Variants in CLNK observed in about 807,000 individuals in gnomAD.
The protein encoded by CLNK is cytokine-dependent hematopoietic cell linker.
CLNK carries 74 observed loss-of-function variants against 68.6 expected under a neutral mutation model. The observed-to-expected ratio is 1.08, with a 90% CI of 0.89 to 1.31. CLNK has a LOEUF of 1.31. Ranked by LOEUF, CLNK falls within the 50% of genes most tolerant of loss-of-function variation. The pLI, the probability that CLNK is intolerant of heterozygous loss-of-function variation, is 0.00. For missense variants in CLNK, 553 were observed against 515.3 expected, an observed-to-expected ratio of 1.07 and a Z score of -0.71; for synonymous variants, 198 against 172.2, an observed-to-expected ratio of 1.15 and a Z score of -1.17.
chr4:10,723,882 CAGAGAGAGAGAGAGAGAG>C, the CLNK span, among the ~76,000 whole-genome samples: 21 of 70,942 alleles, frequency 3.0e-4, no homozygotes, highest in Non-Finnish European at 5.8e-4. Context: ...ACACAGGAGT[CAGAGAGAGAGAGAGAGAG>C]AGAGAGAGAG....
In CLNK at chr4:10,593,885, C is replaced by T. The variant is rs1171260077; in HGVS notation, c.83+4093G>A. Among the ~76,000 whole-genome samples the T allele has an allele frequency of 3.9e-5, 6 of 152,118 alleles. No homozygotes were observed. In the East Asian group the frequency reaches 7.7e-4, roughly 20 times the overall value. ...AGTGTGGTGACACTGTTCCTAGCAT[C>T]GCTGTCAAGAGTAAAGGATGGAAAG... On this transcript the variant is annotated intron_variant, in intron 3 of 18. Transcript: ENST00000226951.
intron 2 of CLNK, among the ~76,000 whole-genome samples, chr4:10,646,780 C>T (rs1465626255): frequency 1.3e-5 from 2 of 152,092 alleles, no homozygotes; most frequent in African/African-American, 2.4e-5. Context: ...ACATTCAAAC[C>T]ATTATTCTTA....
intron 2 of CLNK, among the ~76,000 whole-genome samples, chr4:10,616,052 T>A (rs1425434098): frequency 1.3e-5 from 2 of 152,240 alleles, no homozygotes; most frequent in African/African-American, 4.8e-5. Flanking sequence ...AAATTATAAT[T>A]GACAAAATTA....
chr4:10,570,146 C>A (rs373733317), intron 5 of CLNK, among the ~76,000 whole-genome samples: 1 of 152,180 alleles, frequency 6.6e-6, no homozygotes, highest in African/African-American at 2.4e-5. Flanking sequence ...TGCAAAGGTG[C>A]CATTTACATA....
chr4:10,669,636 A>T (rs1049996241), intron 1 of CLNK, among the ~76,000 whole-genome samples: 7 of 152,164 alleles, frequency 4.6e-5, no homozygotes, highest in African/African-American at 1.7e-4. Flanking sequence ...ATGCTAAGGG[A>T]TGGGATCTGA....
chr4:10,645,098 A>G (rs750409891), intron 2 of CLNK, among the ~76,000 whole-genome samples: 23 of 152,236 alleles, frequency 1.5e-4, no homozygotes, highest in Non-Finnish European at 1.6e-4. Flanking sequence ...TGGGGTGAAT[A>G]GTGAAAATAA....
chr4:10,561,186 C>A (rs1719876386), intron 7 of CLNK, among the ~76,000 whole-genome samples: 1 of 152,126 alleles, frequency 6.6e-6, no homozygotes, highest in African/African-American at 2.4e-5. Flanking sequence ...CAGGCATGAA[C>A]TACTGCACCT....
At chr4:10,497,912 C>A (rs1020872598) in intron 18 of CLNK, among the ~76,000 whole-genome samples, 1 of 152,224 alleles carries the variant, frequency 6.6e-6, no homozygotes, top group Non-Finnish European at 1.5e-5. Context: ...TAATGCTTTC[C>A]TGGCCGGGCG....
chr4:10,618,998 A>C (rs763692983), intron 2 of CLNK, among the ~76,000 whole-genome samples: 1 of 152,236 alleles, frequency 6.6e-6, no homozygotes, highest in Non-Finnish European at 1.5e-5. Flanking sequence ...AAGAAGGTTC[A>C]GGAGAAAAGT....
At chr4:10,640,496 G>GTATC (rs1723269041) in intron 2 of CLNK, among the ~76,000 whole-genome samples, 1 of 152,222 alleles carries the variant, frequency 6.6e-6, no homozygotes, top group Non-Finnish European at 1.5e-5. Flanking sequence ...GGTCTTAAAA[G>GTATC]TATCTCTCTG....
intron 4 of CLNK, among the ~76,000 whole-genome samples, chr4:10,578,210 T>C (rs1254442648): frequency 6.6e-6 from 1 of 152,254 alleles, no homozygotes; most frequent in Admixed American, 6.5e-5. Context: ...GAGTTTAACG[T>C]CACAGCCAAA....
intron 2 of CLNK, among the ~76,000 whole-genome samples, chr4:10,600,686 T>A (rs1227369613): frequency 1.3e-5 from 2 of 152,194 alleles, no homozygotes; most frequent in African/African-American, 4.8e-5. Context: ...TAGATGCAAA[T>A]ACATAAATAA....
rs116920877 is a variant in CLNK, at chr4:10,647,851, T to A, written c.11+20008A>T. ...AAGACCGATAAACATAGATATATTA[T>A]GCCCTAAGTCCCATAGATGCTCCTC... On this transcript the variant is annotated intron_variant, in intron 2 of 18. Coordinates refer to ENST00000226951, the MANE Select transcript of CLNK (RefSeq NM_052964.4). Among the ~76,000 whole-genome samples the A allele has an allele frequency of 9.1e-4, 139 of 152,328 alleles. No homozygotes were observed. The East Asian group carries it at 0.022, about 24-fold the overall frequency.
At chr4:10,611,445 C>T (rs916849244) in intron 2 of CLNK, among the ~76,000 whole-genome samples, 22 of 146,650 alleles carry the variant, frequency 1.5e-4, no homozygotes, top group African/African-American at 5.5e-4. Context: ...TTGCAGTGGG[C>T]TGAAATCATG....
chr4:10,691,234 T>C, the CLNK span, among the ~76,000 whole-genome samples: 1 of 152,138 alleles, frequency 6.6e-6, no homozygotes, highest in Non-Finnish European at 1.5e-5. Context: ...ATATGTATAA[T>C]ATGGGGGCAT....
At chr4:10,536,156 G>A (rs1460344817) in intron 11 of CLNK, among the ~76,000 whole-genome samples, 1 of 152,194 alleles carries the variant, frequency 6.6e-6, no homozygotes, top group Non-Finnish European at 1.5e-5. Flanking sequence ...GCAAAAGGCT[G>A]CAGCTGTCTA....
the CLNK span, among the ~76,000 whole-genome samples, chr4:10,724,288 T>A: frequency 6.6e-6 from 1 of 152,156 alleles, no homozygotes; most frequent in Non-Finnish European, 1.5e-5. Flanking sequence ...CTCCCTCGCC[T>A]CCTCCTTCAA....
intron 4 of CLNK, among the ~76,000 whole-genome samples, chr4:10,580,157 C>G (rs980289560): frequency 1.3e-5 from 2 of 152,136 alleles, no homozygotes; most frequent in Non-Finnish European, 2.9e-5. Flanking sequence ...CTCCACTGAT[C>G]GGATCCATAT....
At chr4:10,520,245 A>G (rs1718003651) in intron 15 of CLNK, among the ~76,000 whole-genome samples, 1 of 152,190 alleles carries the variant, frequency 6.6e-6, no homozygotes, top group South Asian at 2.1e-4. Flanking sequence ...CGCAGATGTG[A>G]TATCCTTCTG....
Sources: gnomAD v4.1 joint callset for allele counts (sites outside exome capture counted in the v4.1 genomes callset) on GRCh38, gnomAD v4.1.1 for gene constraint, MANE v1.5 for transcripts, NCBI Gene and HGNC (gene_info 2026-07-23, HGNC 2026-07-21) for gene names.